Variants in ABCB7 observed in about 807,000 individuals in gnomAD.
The protein encoded by ABCB7 is ATP binding cassette subfamily B member 7.
Under a neutral mutation model 54.4 loss-of-function variants are expected in ABCB7, and 7 were observed. That is an observed-to-expected ratio of 0.13 (90% CI 0.07 to 0.24). The LOEUF (loss-of-function observed/expected upper bound fraction) is 0.24. Ranked by LOEUF, ABCB7 falls within the 10% of genes least tolerant of loss-of-function variation. ABCB7 has a pLI of 1.00. For synonymous variants in ABCB7, 218 were observed against 207.1 expected (o/e 1.05, Z -0.45); for missense variants, 356 against 570.4 (o/e 0.62, Z 3.83).
chrX:75,060,887 C>T (rs776772317), intron 14 of ABCB7, among the ~76,000 whole-genome samples: 10 of 111,396 alleles, frequency 9.0e-5, no homozygotes, highest in Non-Finnish European at 1.5e-4. Context: ...CTAACGCATC[C>T]GGGAAATACA....
At chrX:75,065,284 ATC>A in intron 12 of ABCB7, 43 bp from the exon 13 acceptor site, 1 of 1,074,324 alleles carries the variant, frequency 9.3e-7, no homozygotes, top group Admixed American at 2.3e-5. Flanking sequence ...ATATCTATAT[ATC>A]TCTCTCTATT....
chrX:75,077,894 T>C (rs750264559), intron 4 of ABCB7, among the ~76,000 whole-genome samples: 115 of 109,138 alleles, frequency 1.1e-3, no homozygotes, highest in Non-Finnish European at 1.8e-3. Context: ...CCATATAACC[T>C]TAGGTTCTTG....
chrX:75,143,760 T>C (rs1450479606), intron 1 of ABCB7, among the ~76,000 whole-genome samples: 1 of 110,567 alleles, frequency 9.0e-6, no homozygotes, highest in Non-Finnish European at 1.9e-5. Context: ...CTCTCCCTTA[T>C]AAAACCATCA....
intron 1 of ABCB7, among the ~76,000 whole-genome samples, chrX:75,154,369 T>C (rs957570134): frequency 1.6e-4 from 18 of 112,242 alleles, no homozygotes; most frequent in African/African-American, 5.2e-4. Context: ...TATCTTAAGA[T>C]ATCTAATTTT....
chrX:75,106,027 A>G (rs1192108976), intron 3 of ABCB7, among the ~76,000 whole-genome samples: 1 of 112,066 alleles, frequency 8.9e-6, no homozygotes, highest in Non-Finnish European at 1.9e-5. Context: ...AAACCTAGAA[A>G]AAACTTTTCT....
At chrX:75,097,270 C>T (rs1328560443) in intron 4 of ABCB7, among the ~76,000 whole-genome samples, 1 of 111,510 alleles carries the variant, frequency 9.0e-6, no homozygotes, top group East Asian at 2.8e-4. Context: ...ACTATGCTCT[C>T]TCACAACTAG....
At chrX:75,058,485 C>G (rs1370003048) in intron 15 of ABCB7, among the ~76,000 whole-genome samples, 1 of 111,997 alleles carries the variant, frequency 8.9e-6, no homozygotes, top group Admixed American at 9.5e-5. Flanking sequence ...AACATTAACA[C>G]TACTACAAGA....
chrX:75,142,740 C>T (rs2082063031), intron 1 of ABCB7, among the ~76,000 whole-genome samples: 1 of 112,160 alleles, frequency 8.9e-6, no homozygotes, highest in African/African-American at 3.2e-5. Context: ...AAATCCTGCA[C>T]GTCGCTCTAC....
intron 4 of ABCB7, among the ~76,000 whole-genome samples, chrX:75,079,503 C>A (rs913532576): frequency 9.0e-6 from 1 of 111,426 alleles, no homozygotes; most frequent in Admixed American, 9.6e-5. Flanking sequence ...AAAAAAATAA[C>A]TTTTTTATTT....
At chrX:75,126,255 A>T (rs776656277) in intron 1 of ABCB7, among the ~76,000 whole-genome samples, 1 of 112,213 alleles carries the variant, frequency 8.9e-6, no homozygotes, top group African/African-American at 3.2e-5. Context: ...ACACAACAAA[A>T]TTTTAAATAC....
chrX:75,103,979 C>T (rs1338797032), intron 3 of ABCB7, among the ~76,000 whole-genome samples: 3 of 100,595 alleles, frequency 3.0e-5, no homozygotes, highest in African/African-American at 1.1e-4. Context: ...TACCTGATGG[C>T]TCTGGTTAGG....
At chrX:75,142,488 T>C (rs1004296106) in intron 1 of ABCB7, among the ~76,000 whole-genome samples, 2 of 111,726 alleles carry the variant, frequency 1.8e-5, no homozygotes, top group African/African-American at 3.3e-5. Flanking sequence ...ATAGTAATAA[T>C]TGCAGACAAG....
At chrX:75,144,471 T>A (rs1186966988) in intron 1 of ABCB7, among the ~76,000 whole-genome samples, 1 of 111,669 alleles carries the variant, frequency 9.0e-6, no homozygotes, top group Non-Finnish European at 1.9e-5. Flanking sequence ...GGGAGCCTTT[T>A]TTCTAATCCT....
At position 75,085,885 on chromosome X, in the gene ABCB7, C is replaced by T. The variant is rs773871229; in HGVS notation, c.454-9231G>A. Among the ~76,000 whole-genome samples the T allele has an allele frequency of 8.2e-5, 9 of 109,159 alleles. No individual in the cohort carries two copies. In the South Asian group the frequency reaches 3.6e-3, roughly 44 times the overall value. 94.8% of individuals were successfully genotyped at this position (109,159 alleles called of 115,157 possible). A position where few individuals can be genotyped will look rare whatever the true frequency, so the allele number is the denominator to read the frequency against. ...TTTTTGAGATGGAGTCTCACTCTGTCGCCTAGGCTGGAGTGCAGTGGCATG... is the reference window on the plus strand; with the variant it reads ...TTTTTGAGATGGAGTCTCACTCTGTTGCCTAGGCTGGAGTGCAGTGGCATG... On this transcript the variant is annotated intron_variant, in intron 4 of 15. Transcript: ENST00000373394.
intron 2 of ABCB7, among the ~76,000 whole-genome samples, chrX:75,114,252 C>T (rs1231755628): frequency 2.7e-5 from 3 of 111,632 alleles, no homozygotes; most frequent in Non-Finnish European, 3.8e-5. Context: ...TTTTCTATCA[C>T]GGAGATTTAT....
intron 3 of ABCB7, among the ~76,000 whole-genome samples, chrX:75,104,448 A>G (rs1050990551): frequency 9.1e-6 from 1 of 110,069 alleles, no homozygotes; most frequent in African/African-American, 3.3e-5. Flanking sequence ...CCTAGAGGAA[A>G]TATATAAATT....
chrX:75,115,036 A>G (rs996830515), intron 1 of ABCB7, among the ~76,000 whole-genome samples: 88 of 110,510 alleles, frequency 8.0e-4, no homozygotes, highest in Middle Eastern at 4.7e-3. Flanking sequence ...TTGGGAGGCT[A>G]AGGCGGGCGG....
Position 75,052,004 on chromosome X carries a change from T to G in ABCB7, c.*1366A>C, listed in dbSNP as rs1401014874. ...GAGTTTGTAAATCTTTAAAGAAAAA[T>G]GTGTAGTTTTGTCCAAAACAAAAAC... On this transcript the variant is annotated 3_prime_UTR_variant, in exon 16 of 16. Transcript: ENST00000373394. 8.9e-6 allele frequency: 1 copy of G among 111,904 alleles called. No individual in the cohort carries two copies. The highest frequency in any genetic ancestry group is 2.8e-4 in the East Asian group (1 of 3,581). The allele number at this position is 111,904 out of a possible 1,213,427, so 9.2% of individuals were successfully genotyped here.
At chrX:75,111,954 T>G (rs2081764448) in intron 3 of ABCB7, among the ~76,000 whole-genome samples, 1 of 112,047 alleles carries the variant, frequency 8.9e-6, no homozygotes, top group Non-Finnish European at 1.9e-5. Context: ...CTATTTGGGT[T>G]AATATTTTAA....
Sources: gnomAD v4.1 joint callset for allele counts (sites outside exome capture counted in the v4.1 genomes callset) on GRCh38, gnomAD v4.1.1 for gene constraint, MANE v1.5 for transcripts, NCBI Gene and HGNC (gene_info 2026-07-23, HGNC 2026-07-21) for gene names.